Variants in MAGI2 observed in about 807,000 individuals in gnomAD.
The protein encoded by MAGI2 is membrane-associated guanylate kinase, WW and PDZ domain-containing protein 2.
Under a neutral mutation model 133.3 loss-of-function variants are expected in MAGI2, and 35 were observed. The observed-to-expected ratio is 0.26, with a 90% CI of 0.20 to 0.35. The LOEUF (loss-of-function observed/expected upper bound fraction) is 0.35, where lower values mean the gene tolerates loss of function less well. Ranked by LOEUF, MAGI2 falls within the 10% of genes least tolerant of loss-of-function variation. The probability of loss-of-function intolerance (pLI) is 1.00; values close to 1 mark genes in which losing one functional copy is unlikely to be tolerated. For synonymous variants in MAGI2, 729 were observed against 710.6 expected (o/e 1.03, Z -0.41); for missense variants, 1,636 against 1,863.4 (o/e 0.88, Z 2.25).
At chr7:79,044,797 A>T (rs1812013505) in intron 1 of MAGI2, among the ~76,000 whole-genome samples, 1 of 152,236 alleles carries the variant, frequency 6.6e-6, no homozygotes, top group Non-Finnish European at 1.5e-5. Flanking sequence ...TAAGAGCAAA[A>T]TCAAGAATGC....
chr7:78,388,865 C>A (rs1795645522), intron 6 of MAGI2, among the ~76,000 whole-genome samples: 2 of 152,060 alleles, frequency 1.3e-5, no homozygotes, highest in South Asian at 4.1e-4. Context: ...CACGTCGGTA[C>A]TACAAATATA....
intron 10 of MAGI2, among the ~76,000 whole-genome samples, chr7:78,224,476 G>A (rs1340947946): frequency 6.6e-6 from 1 of 152,040 alleles, no homozygotes; most frequent in Admixed American, 6.6e-5. Flanking sequence ...GACTAGCCTG[G>A]CCACCATGGG....
intron 3 of MAGI2, among the ~76,000 whole-genome samples, chr7:78,574,653 C>T (rs1802078088): frequency 6.6e-6 from 1 of 152,108 alleles, no homozygotes; most frequent in Non-Finnish European, 1.5e-5. Context: ...CAATTGGCAA[C>T]CACTATAGTT....
At chr7:78,742,970 C>T (rs1822572093) in intron 2 of MAGI2, among the ~76,000 whole-genome samples, 1 of 152,206 alleles carries the variant, frequency 6.6e-6, no homozygotes, top group Admixed American at 6.5e-5. Flanking sequence ...AAGAGATTCT[C>T]AGCCAGCCCA....
At chr7:79,177,502 T>C (rs1826204277) in intron 1 of MAGI2, among the ~76,000 whole-genome samples, 1 of 152,072 alleles carries the variant, frequency 6.6e-6, no homozygotes, top group South Asian at 2.1e-4. Context: ...ATGATAATTA[T>C]TGTTGTTTCT....
intron 1 of MAGI2, among the ~76,000 whole-genome samples, chr7:79,274,355 C>T (rs1424127801): frequency 2.6e-5 from 4 of 151,886 alleles, no homozygotes; most frequent in Admixed American, 6.6e-5. Context: ...CTGGGTGATG[C>T]TAATGCTGCT....
intron 1 of MAGI2, among the ~76,000 whole-genome samples, chr7:79,166,863 C>G (rs1824972390): frequency 1.3e-5 from 2 of 151,814 alleles, no homozygotes; most frequent in Non-Finnish European, 2.9e-5. Flanking sequence ...ATGCACGGTA[C>G]AGAAAAGAAA....
chr7:79,343,568 G>A (rs9692383), intron 1 of MAGI2, among the ~76,000 whole-genome samples: 76,583 of 150,662 alleles, frequency 0.51, 20,677 homozygotes, highest in Non-Finnish European at 0.6. Flanking sequence ...AAAGGCATTG[G>A]CCCCAAATTG....
chr7:79,266,572 G>A (rs1249753706), intron 1 of MAGI2, among the ~76,000 whole-genome samples: 1 of 152,130 alleles, frequency 6.6e-6, no homozygotes, highest in East Asian at 1.9e-4. Flanking sequence ...GTGATGTAAT[G>A]TGAAATGTCT....
chr7:78,902,619 C>T (rs1478182155), intron 2 of MAGI2: 1 of 152,070 alleles, frequency 6.6e-6, no homozygotes. Context: ...GAAACTGAAA[C>T]AAAAATTAAG....
At chr7:79,215,018 T>C (rs899123482) in intron 1 of MAGI2, among the ~76,000 whole-genome samples, 1 of 151,264 alleles carries the variant, frequency 6.6e-6, no homozygotes, top group Non-Finnish European at 1.5e-5. Context: ...AAAAATAAAA[T>C]TATAAGCCTC....
At chr7:78,487,091 T>G in intron 6 of MAGI2, 1 of 379,590 alleles carries the variant, frequency 2.6e-6, no homozygotes, top group Non-Finnish European at 5.2e-6. Context: ...CCTGTTCTCC[T>G]GTGTATCACA....
intron 9 of MAGI2, among the ~76,000 whole-genome samples, chr7:78,281,441 T>C (rs1310010253): frequency 6.6e-6 from 1 of 151,732 alleles, no homozygotes; most frequent in Non-Finnish European, 1.5e-5. Context: ...CCCGCTTCAC[T>C]GAGCACCTCT....
intron 9 of MAGI2, among the ~76,000 whole-genome samples, chr7:78,320,966 C>T (rs574091135): frequency 5.5e-4 from 84 of 152,052 alleles, no homozygotes; most frequent in Non-Finnish European, 6.3e-4. Context: ...ACAAGCATTC[C>T]TATACACCAA....
At chr7:78,396,649 T>C (rs542328149) in intron 6 of MAGI2, among the ~76,000 whole-genome samples, 1 of 152,308 alleles carries the variant, frequency 6.6e-6, no homozygotes, top group African/African-American at 2.4e-5. Flanking sequence ...TTTCTGGTTT[T>C]CTCATTCTAA....
At chr7:78,624,467 T>C (rs1808105028) in intron 3 of MAGI2, among the ~76,000 whole-genome samples, 1 of 152,024 alleles carries the variant, frequency 6.6e-6, no homozygotes, top group South Asian at 2.1e-4. Context: ...TATGCAGCCA[T>C]AAAGAGAAAT....
rs550147519 is a variant in MAGI2, at chr7:78,100,661, C to T, written c.3568-21576G>A. 1.4e-3 allele frequency among the ~76,000 whole-genome samples: 212 copies of T among 152,258 alleles called. 1 individual carries two copies. Among genetic ancestry groups the T allele is most frequent in the African/African-American group, 4.9e-3 (203 of 41,548 alleles). On this transcript the variant is annotated intron_variant, in intron 20 of 21. Coordinates refer to ENST00000354212, the MANE Select transcript of MAGI2 (RefSeq NM_012301.4). Reference sequence around the variant, plus strand: ...GCTACTGCACCCAGCCAAGGGCCACCTCTTTTTAAAACAAAGTTTGGGTAT... The same window carrying T: ...GCTACTGCACCCAGCCAAGGGCCACTTCTTTTTAAAACAAAGTTTGGGTAT...
chr7:79,141,602 T>G (rs1822138099), intron 1 of MAGI2, among the ~76,000 whole-genome samples: 1 of 152,220 alleles, frequency 6.6e-6, no homozygotes. Context: ...TAATTATTAA[T>G]GTACTATATC....
chr7:79,423,806 A>G (rs1462065494), intron 1 of MAGI2, among the ~76,000 whole-genome samples: 1 of 152,074 alleles, frequency 6.6e-6, no homozygotes, highest in Non-Finnish European at 1.5e-5. Context: ...CTTATGGTTT[A>G]TGCCTACTTG....
Sources: allele counts gnomAD v4.1 joint callset (sites outside exome capture counted in the v4.1 genomes callset), GRCh38; gene constraint gnomAD v4.1.1; transcripts MANE v1.5; gene names NCBI Gene and HGNC (gene_info 2026-07-23, HGNC 2026-07-21).